DEPTOR: variants seen among roughly 807,000 people sequenced by gnomAD.
DEPTOR encodes DEP domain containing MTOR interacting protein.
In DEPTOR, 41 loss-of-function variants were observed where a neutral mutation model predicts 41.6. The ratio of observed to expected loss-of-function variants is 0.98; its 90% CI spans 0.77 to 1.28. The LOEUF (loss-of-function observed/expected upper bound fraction) is 1.28, where lower values mean the gene tolerates loss of function less well. Among genes scored for constraint, DEPTOR ranks in the 50% most tolerant of loss-of-function variants. DEPTOR has a pLI of 0.00. For missense variants in DEPTOR, 514 were observed against 527.9 expected (o/e 0.97, Z 0.26); for synonymous variants, 195 against 192.3 (o/e 1.01, Z -0.12).
chr8:119,874,672 C>T (rs933528237), intron 1 of DEPTOR, among the ~76,000 whole-genome samples: 1 of 152,146 alleles, frequency 6.6e-6, no homozygotes, highest in African/African-American at 2.4e-5. Context: ...TTTTGGGCAG[C>T]AGGATCCATG....
At chr8:120,027,639 A>G (rs1294594865) in intron 8 of DEPTOR, among the ~76,000 whole-genome samples, 2 of 151,408 alleles carry the variant, frequency 1.3e-5, no homozygotes, top group Non-Finnish European at 2.9e-5. Context: ...CGGGAGGTGG[A>G]GGTTGCAGTG....
chr8:119,890,190 A>C (rs2129711933), intron 1 of DEPTOR, among the ~76,000 whole-genome samples: 1 of 152,276 alleles, frequency 6.6e-6, no homozygotes, highest in African/African-American at 2.4e-5. Context: ...CCTGACCTGA[A>C]GTGATCCACT....
chr8:119,889,640 G>A (rs1307582186), intron 1 of DEPTOR, among the ~76,000 whole-genome samples: 2 of 105,740 alleles, frequency 1.9e-5, no homozygotes, highest in African/African-American at 3.4e-5. Flanking sequence ...GGAAGGGGAG[G>A]GGAGGGGAGG....
chr8:119,957,716 G>A (rs376275640), intron 3 of DEPTOR, among the ~76,000 whole-genome samples: 3 of 151,866 alleles, frequency 2.0e-5, no homozygotes, highest in East Asian at 3.9e-4. Context: ...AGCCTCCCAT[G>A]TAGCTGGAAT....
intron 1 of DEPTOR, among the ~76,000 whole-genome samples, chr8:119,922,936 C>T (rs1563966616): frequency 6.6e-6 from 1 of 152,168 alleles, no homozygotes; most frequent in South Asian, 2.1e-4. Flanking sequence ...TAGTGCTTCT[C>T]TCCAGGAAGT....
At chr8:119,899,845 G>A (rs938881153) in intron 1 of DEPTOR, among the ~76,000 whole-genome samples, 7 of 152,082 alleles carry the variant, frequency 4.6e-5, no homozygotes, top group African/African-American at 1.7e-4. Context: ...ATACAGTTAT[G>A]TTTTTCTGAG....
At chr8:119,932,119 G>A (rs1828051846) in intron 3 of DEPTOR, among the ~76,000 whole-genome samples, 1 of 151,702 alleles carries the variant, frequency 6.6e-6, no homozygotes, top group Non-Finnish European at 1.5e-5. Context: ...GTAGCTGGGA[G>A]TACAGACTTA....
chr8:120,044,459 G>A (rs1041110046), intron 8 of DEPTOR, among the ~76,000 whole-genome samples: 16 of 152,144 alleles, frequency 1.1e-4, no homozygotes, highest in Admixed American at 7.2e-4. Flanking sequence ...CAGGAACCAA[G>A]GCAGATCTGG....
At chr8:120,024,966 A>T (rs1812777225) in intron 8 of DEPTOR, among the ~76,000 whole-genome samples, 1 of 152,142 alleles carries the variant, frequency 6.6e-6, no homozygotes, top group South Asian at 2.1e-4. Flanking sequence ...AAAAAAATGT[A>T]CAAACATCCT....
At chr8:119,942,561 G>C (rs551195093) in intron 3 of DEPTOR, among the ~76,000 whole-genome samples, 36 of 152,294 alleles carry the variant, frequency 2.4e-4, no homozygotes, top group African/African-American at 8.4e-4. Context: ...TGGACTCATT[G>C]ATGGTGGAGA....
intron 4 of DEPTOR, among the ~76,000 whole-genome samples, chr8:119,982,486 C>G (rs1828781073): frequency 6.6e-6 from 1 of 152,160 alleles, no homozygotes; most frequent in South Asian, 2.1e-4. Flanking sequence ...CAACAAATAA[C>G]AGAAAGTGCA....
chr8:119,941,998 G>T (rs1828210084), intron 3 of DEPTOR, among the ~76,000 whole-genome samples: 1 of 152,134 alleles, frequency 6.6e-6, no homozygotes, highest in Non-Finnish European at 1.5e-5. Flanking sequence ...CAACTTTTTG[G>T]GTCTAGTTTT....
chr8:119,885,715 A>T (rs978391601), intron 1 of DEPTOR, among the ~76,000 whole-genome samples: 24 of 152,234 alleles, frequency 1.6e-4, no homozygotes, highest in Non-Finnish European at 1.2e-4. Flanking sequence ...ATTATGAAAA[A>T]TTTCAAATGT....
intron 4 of DEPTOR, among the ~76,000 whole-genome samples, chr8:119,968,867 AG>A: frequency 6.6e-6 from 1 of 152,112 alleles, no homozygotes. Flanking sequence ...ACAGAGAAAA[AG>A]TAAGATGAGG....
intron 3 of DEPTOR, among the ~76,000 whole-genome samples, chr8:119,944,501 T>G (rs1207032933): frequency 6.6e-6 from 1 of 151,790 alleles, no homozygotes; most frequent in Non-Finnish European, 1.5e-5. Flanking sequence ...GGTGATTGAG[T>G]CTTGATATTT....
intron 3 of DEPTOR, among the ~76,000 whole-genome samples, chr8:119,939,875 G>C (rs541921409): frequency 2.0e-5 from 3 of 151,780 alleles, no homozygotes; most frequent in Non-Finnish European, 4.4e-5. Context: ...AATGTAAGAT[G>C]GTGCAGCAGT....
chr8:119,997,342 C>T (rs1185620743), intron 4 of DEPTOR, among the ~76,000 whole-genome samples: 1 of 152,142 alleles, frequency 6.6e-6, no homozygotes, highest in Non-Finnish European at 1.5e-5. Context: ...TCAAGCGATC[C>T]TCCTGCCTCA....
chr8:119,993,388 C>T (rs537120830), intron 4 of DEPTOR, among the ~76,000 whole-genome samples: 4 of 152,198 alleles, frequency 2.6e-5, no homozygotes, highest in East Asian at 3.9e-4. Flanking sequence ...CCATTTAATA[C>T]GAAGTCAAGA....
chr8:119,960,692 G>A (rs1185780534), intron 3 of DEPTOR, among the ~76,000 whole-genome samples: 2 of 152,110 alleles, frequency 1.3e-5, no homozygotes, highest in African/African-American at 4.8e-5. Flanking sequence ...TACCATTATA[G>A]TCTTGAGAAA....
Sources: gnomAD v4.1 joint callset for allele counts (sites outside exome capture counted in the v4.1 genomes callset) on GRCh38, gnomAD v4.1.1 for gene constraint, MANE v1.5 for transcripts, NCBI Gene and HGNC (gene_info 2026-07-23, HGNC 2026-07-21) for gene names.